Variants in SDK2 observed in about 807,000 individuals in gnomAD.
SDK2 encodes the protein protein sidekick-2.
Under a neutral mutation model 253.9 loss-of-function variants are expected in SDK2, and 105 were observed. The ratio of observed to expected loss-of-function variants is 0.41; its 90% CI spans 0.35 to 0.49. The LOEUF (loss-of-function observed/expected upper bound fraction) is 0.49, where lower values mean the gene tolerates loss of function less well. Ranked by LOEUF, SDK2 falls within the 20% of genes least tolerant of loss-of-function variation. SDK2 has a pLI of 0.06. For missense variants in SDK2, 2,608 were observed against 3,003.0 expected, an observed-to-expected ratio of 0.87 and a Z score of 3.07; for synonymous variants, 1,249 against 1,234.9, an observed-to-expected ratio of 1.01 and a Z score of -0.24.
chr17:73,558,118 G>A (rs1368628193), intron 1 of SDK2, among the ~76,000 whole-genome samples: 1 of 152,270 alleles, frequency 6.6e-6, no homozygotes, highest in Admixed American at 6.5e-5. Context: ...CCACCTGGGA[G>A]TGAAGCGCCT....
chr17:73,372,670 G>A (rs1007413891), intron 36 of SDK2, among the ~76,000 whole-genome samples: 3 of 152,056 alleles, frequency 2.0e-5, no homozygotes, highest in Admixed American at 6.6e-5. Context: ...GAACCTAGGA[G>A]GCAGAGGTTG....
chr17:73,416,118 G>T, intron 16 of SDK2, 126 bp from the exon 17 acceptor site: 1 of 820,778 alleles, frequency 1.2e-6, no homozygotes, highest in Non-Finnish European at 1.9e-6. Flanking sequence ...CTGCACCTGT[G>T]CTGTCCGACA....
intron 1 of SDK2, among the ~76,000 whole-genome samples, chr17:73,637,910 C>G (rs2046352336): frequency 6.6e-6 from 1 of 152,226 alleles, no homozygotes; most frequent in Admixed American, 6.5e-5. Flanking sequence ...GCAGATTCAT[C>G]TGTCGGGCCA....
intron 37 of SDK2, among the ~76,000 whole-genome samples, chr17:73,366,780 C>T (rs925893776): frequency 3.3e-5 from 5 of 152,022 alleles, no homozygotes; most frequent in African/African-American, 1.2e-4. Flanking sequence ...TGTGACAGTG[C>T]CTGACTACCA....
rs2063721997 is a variant in SDK2 at position 73,481,291 on chromosome 17, C to T, written c.225-9073G>A. Among the ~76,000 whole-genome samples the T allele has an allele frequency of 6.6e-6, 1 of 152,094 alleles. No individual in the cohort carries two copies. Among genetic ancestry groups the T allele is most frequent in the African/African-American group, 2.4e-5 (1 of 41,414 alleles). ...GGGGACTTGGGCACAGTGTGTTCCC[C>T]CCACCTTCTAGGGAACCTGAGGGTG... On this transcript the variant is annotated intron_variant, in intron 2 of 44. Transcript: ENST00000392650. This position sits in a 1 kb window ranked among gnomAD's most constrained non-coding sequence, Gnocchi z 4.5.
Position 73,616,246 on chromosome 17 carries a change from G to A in SDK2, c.64+27779C>T, listed in dbSNP as rs1363336685. Among the ~76,000 whole-genome samples, 1 of 152,112 alleles carries A rather than the reference G, an allele frequency of 6.6e-6. No individual in the cohort carries two copies. Among genetic ancestry groups the A allele is most frequent in the Non-Finnish European group, 1.5e-5 (1 of 68,020 alleles). On this transcript the variant is annotated intron_variant, in intron 1 of 44. Coordinates refer to ENST00000392650, the MANE Select transcript of SDK2 (RefSeq NM_001144952.2). The surrounding 1 kb of genome is among the most constrained non-coding windows in gnomAD (Gnocchi z 5.2). ...GTGAACCTTGTGCTCGGCAGCCCCA[G>A]GCATCCCGGTGCTGCTTGCCTTCCC...
intron 18 of SDK2, among the ~76,000 whole-genome samples, chr17:73,411,958 A>ATATATATATACGTATATATATATCTACG (rs1372711822): frequency 0.011 from 1,012 of 89,968 alleles, 137 homozygotes; most frequent in Middle Eastern, 0.044. Flanking sequence ...GTTTGTGTAT[A>ATATATATATACGTATATATATATCTACG]TATATATATA....
At chr17:73,423,833 A>C in intron 13 of SDK2, 83 bp downstream of exon 13, 2 of 1,093,182 alleles carry the variant, frequency 1.8e-6, no homozygotes, top group Non-Finnish European at 2.4e-6. Context: ...GGGGATCTGA[A>C]AAAAGGGACT....
intron 15 of SDK2, among the ~76,000 whole-genome samples, chr17:73,421,646 C>T (rs7405529): frequency 0.68 from 97,567 of 143,902 alleles, 33,974 homozygotes; most frequent in Non-Finnish European, 0.75. Flanking sequence ...ACTGCAACCT[C>T]TGCCTCCCTG....
At position 73,612,667 on chromosome 17, in the gene SDK2, C is replaced by T. The variant is rs145784637; in HGVS notation, c.64+31358G>A. On this transcript the variant is annotated intron_variant, in intron 1 of 44. Transcript: ENST00000392650. This position sits in a 1 kb window ranked among gnomAD's most constrained non-coding sequence, Gnocchi z 4.4. ...GGCGAGGTGGCTCACACCTGTAATC[C>T]CAGCATTTTGGGAAGCCCAGGCGGG... 0.016 allele frequency among the ~76,000 whole-genome samples: 2,392 copies of T among 152,164 alleles called. 28 individuals carry two copies. The highest frequency in any genetic ancestry group is 0.041 in the Middle Eastern group (12 of 294).
rs564651151 is a variant in SDK2 at position 73,511,537 on chromosome 17, G to A, written c.65-3940C>T. On this transcript the variant is annotated intron_variant, in intron 1 of 44. Coordinates refer to ENST00000392650, the MANE Select transcript of SDK2 (RefSeq NM_001144952.2). The surrounding 1 kb of genome is among the most constrained non-coding windows in gnomAD (Gnocchi z 4.9). ...AGAGGCTGCTGGAGATAATGACTCT[G>A]GGGAGGAGGAGAGGGAAGGGGAGGC... 6.6e-6 allele frequency among the ~76,000 whole-genome samples: 1 copy of A among 152,170 alleles called. No individual in the cohort carries two copies. Among genetic ancestry groups the A allele is most frequent in the Non-Finnish European group, 1.5e-5 (1 of 68,026 alleles).
chr17:73,491,224 C>T (rs1567803497), intron 2 of SDK2, among the ~76,000 whole-genome samples: 2 of 152,150 alleles, frequency 1.3e-5, no homozygotes, highest in Non-Finnish European at 2.9e-5. Flanking sequence ...AGCACCCTGA[C>T]ATGGCTCAAC....
Position 73,423,927 on chromosome 17 carries a change from G to T in SDK2, c.1749C>A (p.His583Gln), listed in dbSNP as rs778971620. Residue 583 changes from histidine to glutamine, a missense_variant, in exon 13 of 45, where the codon CAC (histidine) becomes CAA (glutamine). Coordinates refer to ENST00000392650, the MANE Select transcript of SDK2 (RefSeq NM_001144952.2). ...SAGGNDSRSA[H>Q]LRVRQLPHAP... ...AGGGCTGCCCTTACCTGACTCGCAG[G>T]TGGGCACTGCGAGAGTCGTTGCCTC... is the stretch of plus-strand genomic sequence containing the variant. 12 of 1,581,244 alleles carry T rather than the reference G, an allele frequency of 7.6e-6. No homozygotes were observed. The Admixed American group carries it at 2.0e-4, about 26-fold the overall frequency.
At chr17:73,547,926 A>G (rs779431850) in intron 1 of SDK2, among the ~76,000 whole-genome samples, 1 of 152,202 alleles carries the variant, frequency 6.6e-6, no homozygotes, top group Non-Finnish European at 1.5e-5. Context: ...CAGGAAACTT[A>G]CAATCATGGC....
At chr17:73,412,644 G>A (rs376056019) in intron 18 of SDK2, among the ~76,000 whole-genome samples, 1 of 152,098 alleles carries the variant, frequency 6.6e-6, no homozygotes. Context: ...GGCCAGGCGC[G>A]GTGGCTCATG....
chr17:73,375,230 CTTTTTTTTTTTTT>C (rs33992958), intron 36 of SDK2, among the ~76,000 whole-genome samples: 8 of 58,662 alleles, frequency 1.4e-4, no homozygotes, highest in African/African-American at 2.8e-4. Flanking sequence ...TCCTAACAAC[CTTTTTTTTTTTTT>C]TTTTTTTTTT....
At chr17:73,445,724 G>A (rs1366001279) in intron 5 of SDK2, among the ~76,000 whole-genome samples, 1 of 152,292 alleles carries the variant, frequency 6.6e-6, no homozygotes, top group African/African-American at 2.4e-5. Flanking sequence ...AGGCAGGCAG[G>A]CAGGCTGGGG....
intron 2 of SDK2, among the ~76,000 whole-genome samples, chr17:73,505,092 T>C (rs2063924774): frequency 1.3e-5 from 2 of 152,222 alleles, no homozygotes; most frequent in Non-Finnish European, 2.9e-5. Flanking sequence ...CCAACATAGC[T>C]ATAAAATGGA....
chr17:73,533,218 C>A (rs1214479556), intron 1 of SDK2, among the ~76,000 whole-genome samples: 1 of 152,198 alleles, frequency 6.6e-6, no homozygotes, highest in Non-Finnish European at 1.5e-5. Context: ...CCAGTCACTG[C>A]CTCCTGACCC....
Sources: allele counts gnomAD v4.1 joint callset (sites outside exome capture counted in the v4.1 genomes callset), GRCh38; gene constraint gnomAD v4.1.1; non-coding constraint Gnocchi (gnomAD v3.1); transcripts MANE v1.5; gene names NCBI Gene and HGNC (gene_info 2026-07-23, HGNC 2026-07-21).